SLC13A4: variants seen among roughly 807,000 people sequenced by gnomAD.
SLC13A4 encodes the protein Na(+)/sulfate cotransporter SUT-1.
A neutral mutation model predicts 72.7 loss-of-function variants in SLC13A4; 28 were observed. That is an observed-to-expected ratio of 0.39 (90% CI 0.29 to 0.53). The LOEUF (loss-of-function observed/expected upper bound fraction) is 0.53, where lower values mean the gene tolerates loss of function less well. Ranked by LOEUF, SLC13A4 falls within the 20% of genes least tolerant of loss-of-function variation. SLC13A4 has a pLI of 0.78. For missense variants in SLC13A4, 653 were observed against 788.0 expected, an observed-to-expected ratio of 0.83 and a Z score of 2.05; for synonymous variants, 312 against 325.5, an observed-to-expected ratio of 0.96 and a Z score of 0.45.
chr7:135,699,331 A>G (rs1353326491), intron 8 of SLC13A4, 33 bp downstream of exon 8: 1 of 1,572,314 alleles, frequency 6.4e-7, no homozygotes, highest in African/African-American at 1.3e-5. Flanking sequence ...AGTGGTGGTT[A>G]GTAAATATTT....
chr7:135,712,118 C>T (rs964558628), intron 2 of SLC13A4, among the ~76,000 whole-genome samples: 1 of 151,454 alleles, frequency 6.6e-6, no homozygotes, highest in Non-Finnish European at 1.5e-5. Flanking sequence ...ACCATTGCAC[C>T]CAGCCCACTG....
chr7:135,694,972 A>G (rs1407237913), intron 9 of SLC13A4, among the ~76,000 whole-genome samples: 2 of 152,254 alleles, frequency 1.3e-5, no homozygotes, highest in African/African-American at 4.8e-5. Context: ...CCATGCCTAT[A>G]AAGTTAAACC....
chr7:135,727,308 T>A, intron 1 of SLC13A4, 90 bp downstream of exon 1: 2 of 1,481,458 alleles, frequency 1.4e-6, no homozygotes, highest in Non-Finnish European at 1.8e-6. Context: ...TTTGAGGGAC[T>A]GCCTGAGCGC....
At chr7:135,714,634 G>A (rs977211502) in intron 2 of SLC13A4, among the ~76,000 whole-genome samples, 1 of 152,208 alleles carries the variant, frequency 6.6e-6, no homozygotes, top group Non-Finnish European at 1.5e-5. Flanking sequence ...GCAGAGGACC[G>A]GTCAGCCTCC....
At chr7:135,684,042 A>G (rs1282927296) in intron 15 of SLC13A4, 82 bp downstream of exon 15, 1 of 1,443,944 alleles carries the variant, frequency 6.9e-7, no homozygotes, top group Admixed American at 2.2e-5. Context: ...GCTACAAAAT[A>G]AGCTTTGAAA....
At chr7:135,719,811 G>GTATGTGTGTGTA (rs139382945) in intron 2 of SLC13A4, among the ~76,000 whole-genome samples, 5 of 143,608 alleles carry the variant, frequency 3.5e-5, no homozygotes, top group African/African-American at 1.1e-4. Context: ...GTATGTGTGT[G>GTATGTGTGTGTA]TGTGTGTGTG....
At chr7:135,716,097 A>G (rs1796428434) in intron 2 of SLC13A4, among the ~76,000 whole-genome samples, 2 of 151,720 alleles carry the variant, frequency 1.3e-5, no homozygotes, top group Non-Finnish European at 2.9e-5. Flanking sequence ...TGGCACTCTG[A>G]CTCTGGTTCT....
intron 7 of SLC13A4, among the ~76,000 whole-genome samples, chr7:135,700,067 T>C (rs1296914525): frequency 6.6e-6 from 1 of 152,186 alleles, no homozygotes; most frequent in Non-Finnish European, 1.5e-5. Flanking sequence ...CAAACCCTGA[T>C]GGAGAGATGA....
At chr7:135,694,022 G>A (rs894106772) in intron 10 of SLC13A4, 115 bp downstream of exon 10, 1 of 708,800 alleles carries the variant, frequency 1.4e-6, no homozygotes, top group Non-Finnish European at 2.5e-6. Flanking sequence ...CTGATTCAGA[G>A]TTGTGGAAAA....
intron 2 of SLC13A4, among the ~76,000 whole-genome samples, chr7:135,710,123 A>G (rs1181235056): frequency 2.0e-5 from 3 of 152,252 alleles, no homozygotes; most frequent in Non-Finnish European, 2.9e-5. Flanking sequence ...TCTTAAAGTG[A>G]GAAAACAAGA....
chr7:135,718,103 G>T (rs1280725630), intron 2 of SLC13A4, among the ~76,000 whole-genome samples: 1 of 93,208 alleles, frequency 1.1e-5, no homozygotes, highest in African/African-American at 4.1e-5. Flanking sequence ...GCGCGCGCAC[G>T]CGTGCGCGCT....
At chr7:135,715,619 G>A (rs1008683785) in intron 2 of SLC13A4, among the ~76,000 whole-genome samples, 1 of 152,148 alleles carries the variant, frequency 6.6e-6, no homozygotes, top group Non-Finnish European at 1.5e-5. Context: ...CTCCTGGAGA[G>A]CTGTTTGTTC....
chr7:135,691,475 T>C lies in SLC13A4; in HGVS notation c.1321+73A>G, dbSNP rs534410394. 2.7e-4 allele frequency: 406 copies of C among 1,527,200 alleles called. 5 individuals carry two copies. The South Asian group carries it at 4.4e-3, about 16-fold the overall frequency. The allele number at this position is 1,527,200 out of a possible 1,614,324, so 94.6% of individuals were successfully genotyped here. A position where few individuals can be genotyped will look rare whatever the true frequency, so the allele number is the denominator to read the frequency against. On this transcript the variant is annotated intron_variant, in intron 12 of 15. Coordinates refer to ENST00000682651, the MANE Select transcript of SLC13A4 (RefSeq NM_001318192.2). Reference sequence around the variant, plus strand: ...TGGGAATCTGAAGGACCTTGGTAAATCTCTTTGGGAGTATTAGTCTGATTT... The same window carrying C: ...TGGGAATCTGAAGGACCTTGGTAAACCTCTTTGGGAGTATTAGTCTGATTT...
At chr7:135,719,807 G>GTGTA (rs1554480027) in intron 2 of SLC13A4, among the ~76,000 whole-genome samples, 3 of 128,380 alleles carry the variant, frequency 2.3e-5, no homozygotes, top group African/African-American at 9.8e-5. Flanking sequence ...GTGTGTATGT[G>GTGTA]TGTGTGTGTG....
At chr7:135,699,281 T>C (rs1273259474) in intron 8 of SLC13A4, 83 bp downstream of exon 8, 1 of 1,293,764 alleles carries the variant, frequency 7.7e-7, no homozygotes, top group Non-Finnish European at 1.0e-6. Flanking sequence ...ATTCTCATTT[T>C]CTACCATATC....
chr7:135,685,623 A>G lies in SLC13A4; in HGVS notation c.1507T>C (p.Trp503Arg), dbSNP rs532978951. ...QMLSLSSLPP[W>R]AVTLLACILV... is the part of the protein sequence containing the mutation. ...ATGCATGCCAGCAGGGTGACAGCCC[A>G]CGGTGGGAGGCTGCTCAGGGACAAC... is the stretch of plus-strand genomic sequence containing the variant. The change falls in exon 14 of 16, where the codon TGG (tryptophan) becomes CGG (arginine). Residue 503 changes from tryptophan to arginine, a missense_variant. By Grantham distance (101) the Trp-to-Arg change is moderately radical (BLOSUM62 -3). Coordinates refer to ENST00000682651, the MANE Select transcript of SLC13A4 (RefSeq NM_001318192.2). 1.8e-5 allele frequency: 29 copies of G among 1,614,208 alleles called. 1 individual carries two copies. In the South Asian group the frequency reaches 2.9e-4, roughly 16 times the overall value.
chr7:135,696,656 A>C (rs1795911877), intron 8 of SLC13A4, among the ~76,000 whole-genome samples: 1 of 151,988 alleles, frequency 6.6e-6, no homozygotes, highest in Admixed American at 6.6e-5. Context: ...CCCGTCCCCT[A>C]CTTTCCTTTT....
At position 135,688,551 on chromosome 7, in the gene SLC13A4, C is replaced by T. The variant is rs576349237; in HGVS notation, c.1446+2650G>A. ...GGATTACAGGCGTGAGTCACCATGC[C>T]CGGCCTAGTAAAGTGAAATAATTTA... On this transcript the variant is annotated intron_variant, in intron 13 of 15. Transcript: ENST00000682651. 5.3e-5 allele frequency among the ~76,000 whole-genome samples: 8 copies of T among 152,284 alleles called. No homozygotes were observed. In the East Asian group the frequency reaches 1.4e-3, roughly 26 times the overall value.
chr7:135,696,417 C>T (rs1346005840), intron 8 of SLC13A4, among the ~76,000 whole-genome samples: 4 of 151,964 alleles, frequency 2.6e-5, no homozygotes, highest in Middle Eastern at 3.2e-3. Flanking sequence ...GGTATGATCT[C>T]AGCTCACTGC....
Sources: allele counts gnomAD v4.1 joint callset (sites outside exome capture counted in the v4.1 genomes callset), GRCh38; gene constraint gnomAD v4.1.1; transcripts MANE v1.5; gene names NCBI Gene and HGNC (gene_info 2026-07-23, HGNC 2026-07-21).